CHST8: variants seen among roughly 807,000 people sequenced by gnomAD.
CHST8 encodes the protein GALNAC-4-ST1.
A neutral mutation model predicts 15.0 loss-of-function variants in CHST8; 10 were observed. The observed-to-expected ratio is 0.67, with a 90% CI of 0.41 to 1.13. The LOEUF is 1.13. Among genes scored for constraint, CHST8 ranks in the 50% most tolerant of loss-of-function variants. The pLI is 0.00. For missense variants in CHST8, 634 were observed against 608.2 expected (o/e 1.04, Z -0.45); for synonymous variants, 259 against 256.6 (o/e 1.01, Z -0.09).
chr19:33,694,655 C>T (rs891985530), intron 3 of CHST8, among the ~76,000 whole-genome samples: 2 of 152,174 alleles, frequency 1.3e-5, no homozygotes, highest in African/African-American at 4.8e-5. Context: ...TCTTGGCTCA[C>T]TGCAACTTCC....
chr19:33,709,019 A>C (rs939888527), intron 3 of CHST8, among the ~76,000 whole-genome samples: 1 of 152,114 alleles, frequency 6.6e-6, no homozygotes, highest in Non-Finnish European at 1.5e-5. Flanking sequence ...TTCTAATTTA[A>C]TTTTGGGATC....
chr19:33,682,549 AC>A (rs1462223983), intron 2 of CHST8, among the ~76,000 whole-genome samples: 3 of 152,130 alleles, frequency 2.0e-5, no homozygotes, highest in African/African-American at 7.2e-5. Flanking sequence ...TACCCATTAA[AC>A]AACTCCCTGT....
intron 3 of CHST8, among the ~76,000 whole-genome samples, chr19:33,716,956 T>C (rs1568340403): frequency 6.6e-6 from 1 of 152,152 alleles, no homozygotes; most frequent in Non-Finnish European, 1.5e-5. Context: ...CCTCTGCCCC[T>C]GTCTGCATCA....
chr19:33,645,878 G>T (rs1431864316), intron 1 of CHST8, among the ~76,000 whole-genome samples: 1 of 152,160 alleles, frequency 6.6e-6, no homozygotes, highest in Non-Finnish European at 1.5e-5. Context: ...TCTAATCTCA[G>T]CACTTTGGGA....
At chr19:33,766,786 G>C (rs1186016247) in intron 3 of CHST8, among the ~76,000 whole-genome samples, 1 of 152,244 alleles carries the variant, frequency 6.6e-6, no homozygotes, top group Non-Finnish European at 1.5e-5. Flanking sequence ...GAGGCTCCCT[G>C]GCCTGTTGGG....
At chr19:33,673,627 G>T (rs865970264) in intron 2 of CHST8, among the ~76,000 whole-genome samples, 3 of 152,224 alleles carry the variant, frequency 2.0e-5, no homozygotes, top group African/African-American at 7.2e-5. Context: ...GTCCCAGGAC[G>T]TGCACTTGCT....
At chr19:33,645,021 A>G (rs1465144789) in intron 1 of CHST8, among the ~76,000 whole-genome samples, 1 of 152,200 alleles carries the variant, frequency 6.6e-6, no homozygotes, top group Non-Finnish European at 1.5e-5. Context: ...TGCTCCTGGC[A>G]TCTGGTGGCT....
At chr19:33,659,744 G>A (rs1972561825) in intron 1 of CHST8, among the ~76,000 whole-genome samples, 1 of 152,144 alleles carries the variant, frequency 6.6e-6, no homozygotes, top group Non-Finnish European at 1.5e-5. Context: ...CAGGGAGGTG[G>A]AGGCTGCAGT....
chr19:33,633,661 G>A (rs1234018251), intron 1 of CHST8, among the ~76,000 whole-genome samples: 1 of 151,996 alleles, frequency 6.6e-6, no homozygotes, highest in Non-Finnish European at 1.5e-5. Flanking sequence ...GCCTCCCAAA[G>A]TGTTGGGATT....
At chr19:33,682,777 G>C (rs1377600145) in intron 2 of CHST8, among the ~76,000 whole-genome samples, 1 of 152,188 alleles carries the variant, frequency 6.6e-6, no homozygotes, top group East Asian at 1.9e-4. Context: ...TTTTTGGGGG[G>C]GTTCCTAGCA....
intron 2 of CHST8, among the ~76,000 whole-genome samples, chr19:33,686,844 C>T (rs188710321): frequency 7.2e-4 from 110 of 152,332 alleles, no homozygotes; most frequent in Middle Eastern, 3.4e-3. Context: ...CCGGCATGCA[C>T]CCGGGCATGT....
intron 2 of CHST8, among the ~76,000 whole-genome samples, chr19:33,680,154 A>G (rs1162656534): frequency 6.6e-6 from 1 of 152,212 alleles, no homozygotes; most frequent in African/African-American, 2.4e-5. Flanking sequence ...AGAGAACCAA[A>G]CCTGTGGCAA....
chr19:33,668,847 G>A (rs73926577), intron 2 of CHST8, among the ~76,000 whole-genome samples: 3,050 of 152,048 alleles, frequency 0.02, 90 homozygotes, highest in African/African-American at 0.066. Context: ...CGTGTGTGTC[G>A]CCATTTATAC....
intron 2 of CHST8, chr19:33,685,212 T>G (rs1222290875): frequency 6.6e-6 from 1 of 152,268 alleles, no homozygotes; most frequent in East Asian, 1.9e-4. Flanking sequence ...GCGTGTGTTT[T>G]GGCTGAATTC....
chr19:33,744,293 G>A (rs1198944383), intron 3 of CHST8: 1 of 152,238 alleles, frequency 6.6e-6, no homozygotes, highest in East Asian at 1.9e-4. Context: ...GAGAAAAGGT[G>A]GGGGCAGATT....
intron 1 of CHST8, among the ~76,000 whole-genome samples, chr19:33,663,703 A>C (rs879419958): frequency 3.3e-5 from 5 of 152,056 alleles, no homozygotes; most frequent in Admixed American, 3.3e-4. Flanking sequence ...AAACTCTGTC[A>C]CTATAAAAAT....
At chr19:33,689,747 C>T (rs1973061856) in intron 3 of CHST8, among the ~76,000 whole-genome samples, 1 of 152,232 alleles carries the variant, frequency 6.6e-6, no homozygotes, top group African/African-American at 2.4e-5. Context: ...AAGTAGACAA[C>T]TTCTCCCTGA....
At chr19:33,626,651 G>A (rs73585451) in intron 1 of CHST8, among the ~76,000 whole-genome samples, 2,763 of 152,178 alleles carry the variant, frequency 0.018, 90 homozygotes, top group African/African-American at 0.064. Context: ...CTGTGATCTC[G>A]GCACACACCG....
chr19:33,632,410 C>A (rs918472791), intron 1 of CHST8, among the ~76,000 whole-genome samples: 1 of 152,164 alleles, frequency 6.6e-6, no homozygotes, highest in African/African-American at 2.4e-5. Context: ...CTGCCTCGGC[C>A]TCCCAAAGTG....
Sources: allele counts gnomAD v4.1 joint callset (sites outside exome capture counted in the v4.1 genomes callset), GRCh38; gene constraint gnomAD v4.1.1; transcripts MANE v1.5; gene names NCBI Gene and HGNC (gene_info 2026-07-23, HGNC 2026-07-21).